Variants in RFX7 observed in about 807,000 individuals in gnomAD.
The protein encoded by RFX7 is regulatory factor X7, also known as DNA-binding protein RFX7.
A neutral mutation model predicts 111.8 loss-of-function variants in RFX7; 26 were observed. The observed-to-expected ratio is 0.23, with a 90% CI of 0.17 to 0.32. The LOEUF (loss-of-function observed/expected upper bound fraction) is 0.32. RFX7 is among the 10% of genes least tolerant of loss of function. The probability of loss-of-function intolerance (pLI) is 1.00; values close to 1 mark genes in which losing one functional copy is unlikely to be tolerated. For synonymous variants in RFX7, 624 were observed against 624.4 expected, an observed-to-expected ratio of 1.00 and a Z score of 0.01; for missense variants, 1,573 against 1,772.9, an observed-to-expected ratio of 0.89 and a Z score of 2.02.
At chr15:56,118,318 C>G (rs1310014842) in intron 5 of RFX7, among the ~76,000 whole-genome samples, 3 of 152,082 alleles carry the variant, frequency 2.0e-5, no homozygotes, top group African/African-American at 7.2e-5. Flanking sequence ...TATCCATCAA[C>G]CAACCCCACT....
At chr15:56,171,124 T>C (rs1307883281) in intron 3 of RFX7, among the ~76,000 whole-genome samples, 3 of 152,122 alleles carry the variant, frequency 2.0e-5, no homozygotes, top group Non-Finnish European at 4.4e-5. Flanking sequence ...GCAGTAGGAA[T>C]ACACAAAAAT....
chr15:56,114,019 T>C (rs1391848842), intron 5 of RFX7, among the ~76,000 whole-genome samples: 3 of 152,182 alleles, frequency 2.0e-5, no homozygotes, highest in African/African-American at 7.2e-5. Flanking sequence ...GGAAAAGTTG[T>C]TGTAATCCTC....
intron 2 of RFX7, among the ~76,000 whole-genome samples, chr15:56,204,949 A>C (rs1433696004): frequency 6.6e-6 from 1 of 152,148 alleles, no homozygotes; most frequent in Non-Finnish European, 1.5e-5. Flanking sequence ...AACATCTAAA[A>C]CGATCATATT....
intron 2 of RFX7, 83 bp downstream of exon 2, chr15:56,243,042 T>TCCCCCCCCCCCCCCCCC: frequency 1.8e-6 from 1 of 543,104 alleles, no homozygotes; most frequent in Non-Finnish European, 3.3e-6. Flanking sequence ...CCTCCTCCGC[T>TCCCCCCCCCCCCCCCCC]CCCCCCGCCC....
chr15:56,165,499 T>A (rs1420302563), intron 3 of RFX7, among the ~76,000 whole-genome samples: 1 of 152,190 alleles, frequency 6.6e-6, no homozygotes, highest in African/African-American at 2.4e-5. Context: ...TCTCTCCTAA[T>A]GACAGTCCTA....
Position 56,243,497 on chromosome 15 carries a change from G to A in RFX7, c.-55C>T. 3.0e-6 allele frequency: 3 copies of A among 984,998 alleles called. No homozygotes were observed. The highest frequency in any genetic ancestry group is 4.7e-5 in the South Asian group (1 of 21,268). 61.0% of individuals were successfully genotyped at this position (984,998 alleles called of 1,614,324 possible). ...CTGCCGCCTGGGGAACATCACCGGG[G>A]AGACCAGCGGCTCCTCACGGCCGGG... On this transcript the variant is annotated 5_prime_UTR_variant, in exon 1 of 10. Transcript: ENST00000559447.
intron 5 of RFX7, among the ~76,000 whole-genome samples, chr15:56,115,090 A>T (rs1297818222): frequency 6.6e-6 from 1 of 152,056 alleles, no homozygotes; most frequent in African/African-American, 2.4e-5. Context: ...TGCTCACTGC[A>T]ACCTCCACCT....
At chr15:56,146,304 G>C (rs1246236507) in intron 3 of RFX7, among the ~76,000 whole-genome samples, 5 of 151,928 alleles carry the variant, frequency 3.3e-5, no homozygotes, top group Admixed American at 2.0e-4. Flanking sequence ...CTACAAAATT[G>C]TTGCCTAGGC....
chr15:56,225,692 G>T (rs2043475369), intron 2 of RFX7, among the ~76,000 whole-genome samples: 1 of 152,028 alleles, frequency 6.6e-6, no homozygotes, highest in African/African-American at 2.4e-5. Context: ...TTGAAATTTG[G>T]TATCTTTATA....
intron 2 of RFX7, among the ~76,000 whole-genome samples, chr15:56,206,712 G>C (rs776830813): frequency 1.3e-4 from 19 of 151,788 alleles, no homozygotes; most frequent in Non-Finnish European, 2.8e-4. Flanking sequence ...GATGGAACTA[G>C]AGGTCATTAT....
In RFX7 at chr15:56,173,873, C is replaced by A. The variant is rs116330601; in HGVS notation, c.195+5397G>T. On this transcript the variant is annotated intron_variant, in intron 3 of 9. Transcript: ENST00000559447. Reference sequence around the variant, plus strand: ...TTAAGACAGGTATTTAAGACAGAAACAAAATGATAAGATGATAGAGAAAAT... The same window carrying A: ...TTAAGACAGGTATTTAAGACAGAAAAAAAATGATAAGATGATAGAGAAAAT... 2.6e-3 allele frequency among the ~76,000 whole-genome samples: 399 copies of A among 151,874 alleles called. 2 individuals carry two copies. The highest frequency in any genetic ancestry group is 9.3e-3 in the African/African-American group (385 of 41,414).
At chr15:56,195,109 A>C (rs2043135186) in intron 2 of RFX7, among the ~76,000 whole-genome samples, 1 of 152,164 alleles carries the variant, frequency 6.6e-6, no homozygotes, top group South Asian at 2.1e-4. Flanking sequence ...AAATGCTACA[A>C]TATGGATAAA....
chr15:56,108,271 C>T (rs2041858396), intron 5 of RFX7, among the ~76,000 whole-genome samples: 1 of 152,212 alleles, frequency 6.6e-6, no homozygotes, highest in African/African-American at 2.4e-5. Context: ...AGGCCAGTAT[C>T]CCTGACGAAC....
chr15:56,241,864 T>C (rs1221990727), intron 2 of RFX7, among the ~76,000 whole-genome samples: 2 of 152,198 alleles, frequency 1.3e-5, no homozygotes, highest in African/African-American at 4.8e-5. Flanking sequence ...GATACTCAAC[T>C]GCCAACTACT....
intron 2 of RFX7, among the ~76,000 whole-genome samples, chr15:56,210,933 TG>T (rs2141197038): frequency 6.6e-6 from 1 of 152,114 alleles, no homozygotes; most frequent in South Asian, 2.1e-4. Context: ...TTACTAATGC[TG>T]GAAATCAAAG....
At chr15:56,191,491 A>C (rs1228664668) in intron 2 of RFX7, among the ~76,000 whole-genome samples, 1 of 152,206 alleles carries the variant, frequency 6.6e-6, no homozygotes, top group Admixed American at 6.5e-5. Flanking sequence ...CCACCAATGC[A>C]CATCTGAGCC....
intron 8 of RFX7, among the ~76,000 whole-genome samples, chr15:56,100,942 G>A (rs1008241914): frequency 1.3e-5 from 2 of 151,916 alleles, no homozygotes; most frequent in African/African-American, 2.4e-5. Context: ...TTATTTATAA[G>A]CATTAGTTTC....
chr15:56,191,302 A>T (rs1429187305), intron 2 of RFX7, among the ~76,000 whole-genome samples: 3 of 152,228 alleles, frequency 2.0e-5, no homozygotes, highest in African/African-American at 7.2e-5. Flanking sequence ...AGTAAATAAA[A>T]TTTCAAATAA....
intron 2 of RFX7, among the ~76,000 whole-genome samples, chr15:56,215,576 C>T (rs8027386): frequency 0.23 from 35,651 of 152,052 alleles, 4,444 homozygotes; most frequent in East Asian, 0.45. Context: ...TTTTTATACA[C>T]TTGTGGCTTC....
Sources: gnomAD v4.1 joint callset for allele counts (sites outside exome capture counted in the v4.1 genomes callset) on GRCh38, gnomAD v4.1.1 for gene constraint, MANE v1.5 for transcripts, NCBI Gene and HGNC (gene_info 2026-07-23, HGNC 2026-07-21) for gene names.